Variants in ZNF277 observed in about 807,000 individuals in gnomAD.
The protein encoded by ZNF277 is nuclear receptor-interacting factor 4.
A neutral mutation model predicts 60.7 loss-of-function variants in ZNF277; 55 were observed. The ratio of observed to expected loss-of-function variants is 0.91; its 90% CI spans 0.73 to 1.13. ZNF277 has a LOEUF of 1.13. Ranked by LOEUF, ZNF277 falls within the 50% of genes most tolerant of loss-of-function variation. The pLI is 0.00. For missense variants in ZNF277, 510 were observed against 523.0 expected (o/e 0.98, Z 0.24); for synonymous variants, 178 against 179.3 (o/e 0.99, Z 0.06).
chr7:112,252,583 C>G (rs1210533161), intron 1 of ZNF277, among the ~76,000 whole-genome samples: 1 of 152,100 alleles, frequency 6.6e-6, no homozygotes, highest in Non-Finnish European at 1.5e-5. Context: ...AAAAGGAATT[C>G]TACTGGGTAG....
intron 1 of ZNF277, among the ~76,000 whole-genome samples, chr7:112,265,332 G>A (rs889912515): frequency 6.6e-6 from 1 of 152,082 alleles, no homozygotes; most frequent in Non-Finnish European, 1.5e-5. Context: ...TGTGTCTCAG[G>A]GAATTGGGAG....
chr7:112,234,067 A>T (rs973009904), intron 1 of ZNF277, among the ~76,000 whole-genome samples: 12 of 151,664 alleles, frequency 7.9e-5, no homozygotes, highest in African/African-American at 2.4e-4. Flanking sequence ...GCTGATTAAA[A>T]TTTTTTTTCT....
chr7:112,216,381 C>A (rs1212701707), intron 1 of ZNF277, among the ~76,000 whole-genome samples: 1 of 152,172 alleles, frequency 6.6e-6, no homozygotes, highest in Admixed American at 6.5e-5. Flanking sequence ...ATGATCTCAG[C>A]TCACTGCAAC....
chr7:112,239,905 T>C (rs1317517116), intron 1 of ZNF277, among the ~76,000 whole-genome samples: 1 of 152,158 alleles, frequency 6.6e-6, no homozygotes, highest in African/African-American at 2.4e-5. Flanking sequence ...GACAGTATAA[T>C]AAGATCTAAA....
chr7:112,265,508 T>C (rs1563209014), intron 1 of ZNF277, among the ~76,000 whole-genome samples: 1 of 152,114 alleles, frequency 6.6e-6, no homozygotes, highest in Admixed American at 6.6e-5. Context: ...GATATAATAA[T>C]ACGAAAAACT....
intron 1 of ZNF277, among the ~76,000 whole-genome samples, chr7:112,227,431 A>C (rs1822204395): frequency 6.6e-6 from 1 of 152,298 alleles, no homozygotes; most frequent in South Asian, 2.1e-4. Context: ...ATGGACAGAA[A>C]ACAGAAGTGA....
At chr7:112,281,511 C>T (rs141879850) in intron 1 of ZNF277, among the ~76,000 whole-genome samples, 16 of 152,300 alleles carry the variant, frequency 1.1e-4, no homozygotes, top group Non-Finnish European at 7.3e-5. Context: ...TTATTACTCT[C>T]AGCAATATTT....
chr7:112,229,028 T>C (rs1018913198), intron 1 of ZNF277, among the ~76,000 whole-genome samples: 1 of 152,246 alleles, frequency 6.6e-6, no homozygotes, highest in Non-Finnish European at 1.5e-5. Context: ...ACATCCTGCA[T>C]GAAGGGATGC....
chr7:112,260,241 A>T lies in ZNF277; in HGVS notation c.92-26632A>T, dbSNP rs145915051. ...TGATCACACCACTGCACTCCACCCTAGTGATAGGAGTGAGACCCTGTCTCA... is the reference window on the plus strand; with the variant it reads ...TGATCACACCACTGCACTCCACCCTTGTGATAGGAGTGAGACCCTGTCTCA... On this transcript the variant is annotated intron_variant, in intron 1 of 11. Coordinates refer to ENST00000361822, the MANE Select transcript of ZNF277 (RefSeq NM_021994.3). Among the ~76,000 whole-genome samples the T allele has an allele frequency of 1.6e-4, 25 of 152,286 alleles. No individual in the cohort carries two copies. In the East Asian group the frequency reaches 4.2e-3, roughly 26 times the overall value.
intron 1 of ZNF277, among the ~76,000 whole-genome samples, chr7:112,242,418 A>G (rs1237457994): frequency 6.6e-6 from 1 of 152,006 alleles, no homozygotes; most frequent in Non-Finnish European, 1.5e-5. Flanking sequence ...TAGGTGCTAA[A>G]GATGCCTAGA....
intron 1 of ZNF277, among the ~76,000 whole-genome samples, chr7:112,217,996 A>T (rs1456322587): frequency 6.6e-6 from 1 of 151,920 alleles, no homozygotes; most frequent in Non-Finnish European, 1.5e-5. Context: ...AGCTCTTACC[A>T]CTTTCTGATT....
intron 1 of ZNF277, 82 bp downstream of exon 1, chr7:112,206,889 C>T: frequency 7.1e-7 from 1 of 1,407,412 alleles, no homozygotes; most frequent in Non-Finnish European, 9.7e-7. Context: ...TGGTCTGACC[C>T]TAGGAGCCCT....
intron 4 of ZNF277, among the ~76,000 whole-genome samples, chr7:112,301,306 T>C (rs1376276578): frequency 1.3e-5 from 2 of 152,094 alleles, no homozygotes; most frequent in Non-Finnish European, 2.9e-5. Context: ...CCTGGCCCTA[T>C]TCTCTTCTTC....
At chr7:112,274,333 T>G (rs1048549462) in intron 1 of ZNF277, among the ~76,000 whole-genome samples, 2 of 151,928 alleles carry the variant, frequency 1.3e-5, no homozygotes. Flanking sequence ...GATTTTTTAT[T>G]TTTTGTAAAG....
rs1292892197 is a variant in ZNF277 at position 112,287,029 on chromosome 7, A to G, written c.248A>G (p.His83Arg). 1.2e-6 allele frequency: 2 copies of G among 1,614,088 alleles called. No individual in the cohort carries two copies. Among genetic ancestry groups the G allele is most frequent in the Admixed American group, 1.7e-5 (1 of 60,010 alleles). ...DKLLKHMIIE[H>R]KIVIADVKLV... ...CTTCTGAAGCACATGATTATTGAGC[A>G]TAAGATTGTCATAGCTGATGTCAAG... Residue 83 changes from histidine to arginine, a missense_variant, in exon 2 of 12, where the codon CAT becomes CGT. By Grantham distance (29) the His-to-Arg change is conservative (BLOSUM62 0). Transcript: ENST00000361822.
intron 1 of ZNF277, among the ~76,000 whole-genome samples, chr7:112,280,447 C>A (rs1049406391): frequency 5.3e-5 from 8 of 152,066 alleles, no homozygotes; most frequent in African/African-American, 1.7e-4. Flanking sequence ...AAAGTGAGAA[C>A]TAGAGCAGAT....
intron 7 of ZNF277, chr7:112,330,420 G>A (rs1459564438): frequency 1.1e-5 from 6 of 541,014 alleles, no homozygotes; most frequent in African/African-American, 9.9e-5. Context: ...TGTTTATGTA[G>A]TAAAAATGTC....
intron 1 of ZNF277, among the ~76,000 whole-genome samples, chr7:112,247,608 CAT>C (rs1791113691): frequency 6.6e-6 from 1 of 152,124 alleles, no homozygotes; most frequent in African/African-American, 2.4e-5. Context: ...GAGCACCTAT[CAT>C]GTTATATGAC....
At chr7:112,209,983 AC>A (rs1345099071) in intron 1 of ZNF277, among the ~76,000 whole-genome samples, 1 of 151,856 alleles carries the variant, frequency 6.6e-6, no homozygotes, top group Non-Finnish European at 1.5e-5. Context: ...AACATCACAT[AC>A]CCGGGCCTGT....
Sources: gnomAD v4.1 joint callset for allele counts (sites outside exome capture counted in the v4.1 genomes callset) on GRCh38, gnomAD v4.1.1 for gene constraint, MANE v1.5 for transcripts, NCBI Gene and HGNC (gene_info 2026-07-23, HGNC 2026-07-21) for gene names.